GLB1: variants seen among roughly 807,000 people sequenced by gnomAD.
The protein encoded by GLB1 is galactosidase beta 1.
A neutral mutation model predicts 74.0 loss-of-function variants in GLB1; 56 were observed. The ratio of observed to expected loss-of-function variants is 0.76; its 90% CI spans 0.61 to 0.94. GLB1 has a LOEUF of 0.94. Among genes scored for constraint, GLB1 ranks in the 40% least tolerant of loss-of-function variants. The pLI is 0.00. For missense variants in GLB1, 787 were observed against 845.5 expected (o/e 0.93, Z 0.86); for synonymous variants, 323 against 323.6 (o/e 1.00, Z 0.02).
rs760325133 is a variant in GLB1 at position 33,024,284 on chromosome 3, T to C, written c.1110A>G (p.Pro370=). 6.2e-6 allele frequency: 10 copies of C among 1,613,294 alleles called. No individual in the cohort carries two copies. Among genetic ancestry groups the C allele is most frequent in the African/African-American group, 5.3e-5 (4 of 74,914 alleles). Residue 370 remains proline (P), a synonymous_variant, in exon 11 of 16, where the codon CCA becomes CCG. Coordinates refer to ENST00000307363, the MANE Select transcript of GLB1 (RefSeq NM_000404.4). ...VPEGPIPPST[P]KFAYGKVTLE... is the part of the protein sequence containing the mutation. ...AAGTGACCTTTCCATATGCAAACTT[T>C]GGTGTAGATGGAGGGATAGGACCTT...
intron 14 of GLB1, 40 bp downstream of exon 14, chr3:33,016,669 A>T: frequency 1.2e-6 from 2 of 1,611,668 alleles, no homozygotes; most frequent in Non-Finnish European, 1.7e-6. Flanking sequence ...CTAAGTTGTC[A>T]CCCCTTAAAC....
the GLB1 span, among the ~76,000 whole-genome samples, chr3:32,986,159 G>C: frequency 6.6e-6 from 1 of 152,264 alleles, no homozygotes; most frequent in Non-Finnish European, 1.5e-5. Flanking sequence ...TCAGGCGGTA[G>C]CTGCTCTGTC....
intron 1 of GLB1, among the ~76,000 whole-genome samples, chr3:33,089,033 A>G (rs1575494968): frequency 6.6e-6 from 1 of 152,232 alleles, no homozygotes; most frequent in African/African-American, 2.4e-5. Flanking sequence ...GATGTTAGAA[A>G]AGGACAATTT....
the GLB1 span, among the ~76,000 whole-genome samples, chr3:32,970,877 C>T: frequency 2.6e-5 from 4 of 152,102 alleles, no homozygotes; most frequent in Non-Finnish European, 5.9e-5. Context: ...CATATTAAAT[C>T]GGAGAGAGAA....
intron 1 of GLB1, among the ~76,000 whole-genome samples, chr3:33,080,041 C>T (rs935309946): frequency 6.6e-6 from 1 of 151,808 alleles, no homozygotes; most frequent in Non-Finnish European, 1.5e-5. Flanking sequence ...ACCTCACGAT[C>T]GCAAAGTTCT....
Position 32,996,715 on chromosome 3 carries a change from AAC to A in GLB1, c.*328_*329del. Reference sequence around the variant, plus strand: ...TATAATTCAATACCTGCACATTAAAAACAGTGACATCATCATTTGAGTACAAA... The same window carrying A: ...TATAATTCAATACCTGCACATTAAAAAGTGACATCATCATTTGAGTACAAA... On this transcript the variant is annotated 3_prime_UTR_variant, in exon 16 of 16. Transcript: ENST00000307363. 1 of 362,380 alleles carries A rather than the reference AAC, an allele frequency of 2.8e-6. No individual in the cohort carries two copies. The highest frequency in any genetic ancestry group is 9.3e-4 in the Middle Eastern group (1 of 1,076). 22.4% of individuals were successfully genotyped at this position (362,380 alleles called of 1,614,324 possible). A position where few individuals can be genotyped will look rare whatever the true frequency, so the allele number is the denominator to read the frequency against.
In GLB1 at chr3:33,027,696, C is replaced by T. The variant is rs577968603; in HGVS notation, c.1069-3371G>A. ...ACTTGGGAGGCTGAGACATGAAAAT[C>T]GCTTGAACCTGAGAGGCGGAGGTTG... On this transcript the variant is annotated intron_variant, in intron 10 of 15. Coordinates refer to ENST00000307363, the MANE Select transcript of GLB1 (RefSeq NM_000404.4). Among the ~76,000 whole-genome samples, 440 of 152,250 alleles carry T rather than the reference C, an allele frequency of 2.9e-3. 2 individuals carry two copies. Among genetic ancestry groups the T allele is most frequent in the Non-Finnish European group, 5.5e-3 (375 of 68,006 alleles).
chr3:33,022,205 G>A (rs954473430), intron 11 of GLB1, among the ~76,000 whole-genome samples: 1 of 152,072 alleles, frequency 6.6e-6, no homozygotes, highest in African/African-American at 2.4e-5. Flanking sequence ...GCTCCTTAAG[G>A]ATAAGATATG....
At chr3:32,977,857 T>C in the GLB1 span, among the ~76,000 whole-genome samples, 1 of 152,188 alleles carries the variant, frequency 6.6e-6, no homozygotes, top group African/African-American at 2.4e-5. Flanking sequence ...TTACTATCTG[T>C]TCTATTCATG....
chr3:33,089,856 C>T (rs536545837), intron 1 of GLB1, among the ~76,000 whole-genome samples: 1 of 152,262 alleles, frequency 6.6e-6, no homozygotes, highest in East Asian at 1.9e-4. Flanking sequence ...ATATACCTAA[C>T]ACTGTTGAAC....
intron 1 of GLB1, among the ~76,000 whole-genome samples, chr3:33,076,781 G>T (rs1700124754): frequency 6.6e-6 from 1 of 152,184 alleles, no homozygotes; most frequent in Non-Finnish European, 1.5e-5. Context: ...GTCACTTTTG[G>T]AGACTGCTAG....
intron 1 of GLB1, chr3:33,090,899 G>C: frequency 1.0e-6 from 1 of 985,260 alleles, no homozygotes; most frequent in Non-Finnish European, 1.2e-6. Context: ...GCATTCAAGA[G>C]AAAGAAAAGA....
In GLB1 at chr3:33,057,016, T is replaced by C. The variant is rs144740310; in HGVS notation, c.733+1073A>G. On this transcript the variant is annotated intron_variant, in intron 6 of 15. Coordinates refer to ENST00000307363, the MANE Select transcript of GLB1 (RefSeq NM_000404.4). ...AGATCTGTGTCCCCACCAAATCTCATGTCGAACTATAATCCCCAGTGTTGG... is the reference window on the plus strand; with the variant it reads ...AGATCTGTGTCCCCACCAAATCTCACGTCGAACTATAATCCCCAGTGTTGG... Among the ~76,000 whole-genome samples, 358 of 152,320 alleles carry C rather than the reference T, an allele frequency of 2.4e-3. 1 individual carries two copies. The highest frequency in any genetic ancestry group is 4.7e-3 in the Admixed American group (72 of 15,298).
intron 6 of GLB1, 34 bp from the exon 7 acceptor site, chr3:33,053,583 C>A (rs187167246): frequency 3.2e-4 from 516 of 1,613,818 alleles, no homozygotes; most frequent in Non-Finnish European, 4.1e-4. Flanking sequence ...GTAGGTCAGT[C>A]GTGGAAATGA....
chr3:33,053,625 G>C (rs1010970177), intron 6 of GLB1, 76 bp from the exon 7 acceptor site: 2 of 1,593,740 alleles, frequency 1.3e-6, no homozygotes, highest in Non-Finnish European at 1.7e-6. Flanking sequence ...CCCTTCATGG[G>C]ACTCGGGCCT....
rs71630561 is a variant in GLB1 at position 33,051,626 on chromosome 3, G to GA, written c.955+131dup. 0.2 allele frequency: 223,178 copies of GA among 1,107,916 alleles called. 22,446 individuals are homozygous for GA. The highest frequency in any genetic ancestry group is 0.45 in the East Asian group (15,864 of 35,342). The allele number at this position is 1,107,916 out of a possible 1,614,324, so 68.6% of individuals were successfully genotyped here. On this transcript the variant is annotated intron_variant, in intron 9 of 15. Transcript: ENST00000307363. Reference sequence around the variant, plus strand: ...TACAAAAAAAAAAAAAAAAGAAAAAGAAAAAAAAAGAAAATTTAGGAGAGG... The same window carrying GA: ...TACAAAAAAAAAAAAAAAAGAAAAAGAAAAAAAAAAGAAAATTTAGGAGAGG...
intron 1 of GLB1, among the ~76,000 whole-genome samples, chr3:33,082,860 G>T (rs550560698): frequency 6.6e-6 from 1 of 152,192 alleles, no homozygotes; most frequent in South Asian, 2.1e-4. Context: ...GGAGAGCAGG[G>T]GACATGTCTC....
At chr3:33,060,501 A>G (rs1699396546) in intron 5 of GLB1, among the ~76,000 whole-genome samples, 1 of 152,168 alleles carries the variant, frequency 6.6e-6, no homozygotes, top group South Asian at 2.1e-4. Context: ...ATTCAGAGCT[A>G]AAGATCTTAA....
At position 33,053,820 on chromosome 3, in the gene GLB1, C is replaced by T. The variant is rs954944173; in HGVS notation, c.734-271G>A. 4.6e-5 allele frequency among the ~76,000 whole-genome samples: 7 copies of T among 152,244 alleles called. No individual in the cohort carries two copies. In the South Asian group the frequency reaches 1.5e-3, roughly 32 times the overall value. ...TCCAGCCTGGCATGGTGGAGACCAC[C>T]TGGCCAACATGGTGAAACCCCATCT... On this transcript the variant is annotated intron_variant, in intron 6 of 15. Coordinates refer to ENST00000307363, the MANE Select transcript of GLB1 (RefSeq NM_000404.4).
Sources: gnomAD v4.1 joint callset for allele counts (sites outside exome capture counted in the v4.1 genomes callset) on GRCh38, gnomAD v4.1.1 for gene constraint, MANE v1.5 for transcripts, NCBI Gene and HGNC (gene_info 2026-07-23, HGNC 2026-07-21) for gene names.